The following SF3B6 variants were observed in gnomAD, a reference collection of about 807,000 sequenced individuals.
SF3B6 encodes the protein SF3b 14 kDa subunit.
Under a neutral mutation model 15.9 loss-of-function variants are expected in SF3B6, and 3 were observed. That is an observed-to-expected ratio of 0.19 (90% CI 0.09 to 0.49). The LOEUF (loss-of-function observed/expected upper bound fraction) is 0.49. Among genes scored for constraint, SF3B6 ranks in the 20% least tolerant of loss-of-function variants. The pLI, the probability that SF3B6 is intolerant of heterozygous loss-of-function variation, is 0.97. For synonymous variants in SF3B6, 49 were observed against 51.1 expected, an observed-to-expected ratio of 0.96 and a Z score of 0.18; for missense variants, 71 against 154.3, an observed-to-expected ratio of 0.46 and a Z score of 2.86.
intron 1 of SF3B6, among the ~76,000 whole-genome samples, chr2:24,074,630 G>A (rs879657140): frequency 3.3e-5 from 5 of 152,164 alleles, no homozygotes; most frequent in Admixed American, 3.3e-4. Flanking sequence ...CCTGATTCTT[G>A]TTTCTTGGAG....
chr2:24,074,077 C>T lies in SF3B6; in HGVS notation c.148G>A (p.Val50Met), dbSNP rs1432800496. 6.5e-7 allele frequency: 1 copy of T among 1,528,764 alleles called. No individual in the cohort carries two copies. 94.7% of individuals were successfully genotyped at this position (1,528,764 alleles called of 1,614,324 possible). ...GKYGPIRQIRVGNTPETRGTA... is the reference protein window; with the variant it reads ...GKYGPIRQIRMGNTPETRGTA... ...TTTAAATGACTCAGTAAGACTCACA[C>T]TCTGATTTGACGAATAGGTCCATAT... The change falls in exon 2 of 4, where the codon GTG becomes ATG. Residue 50 changes from valine to methionine, a missense_variant and splice_region_variant. Val to Met is a conservative substitution (Grantham distance 21, BLOSUM62 1). Coordinates refer to ENST00000233468, the MANE Select transcript of SF3B6 (RefSeq NM_016047.4).
intron 1 of SF3B6, 50 bp downstream of exon 1, chr2:24,076,150 A>G (rs1199774719): frequency 3.1e-6 from 5 of 1,612,914 alleles, no homozygotes; most frequent in Admixed American, 3.3e-5. Flanking sequence ...CGCCGCTAAG[A>G]AAGTCAAACC....
intron 2 of SF3B6, 156 bp downstream of exon 2, chr2:24,073,920 A>G (rs1169500737): frequency 3.5e-6 from 2 of 575,240 alleles, no homozygotes; most frequent in African/African-American, 3.9e-5. Context: ...CCCCCCTTCA[A>G]AAAGATCTCA....
At chr2:24,074,276 A>G in intron 1 of SF3B6, 82 bp from the exon 2 acceptor site, 1 of 668,066 alleles carries the variant, frequency 1.5e-6, no homozygotes, top group Non-Finnish European at 2.6e-6. Context: ...AATTAGGGGC[A>G]TTTTAAAAAA....
At chr2:24,073,784 G>T in intron 2 of SF3B6, 1 of 216,988 alleles carries the variant, frequency 4.6e-6, no homozygotes, top group Non-Finnish European at 9.0e-6. Context: ...ATAAATGTTA[G>T]TTCTTTCCCT....
At chr2:24,070,482 G>C (rs556682721) in intron 2 of SF3B6, among the ~76,000 whole-genome samples, 1 of 152,322 alleles carries the variant, frequency 6.6e-6, no homozygotes, top group East Asian at 1.9e-4. Flanking sequence ...CTTAGCCTCT[G>C]TGAGCTTCGG....
In SF3B6 at chr2:24,074,212, T is replaced by G. The variant is rs1664698098; in HGVS notation, c.31-18A>C. 2 of 1,326,424 alleles carry G rather than the reference T, an allele frequency of 1.5e-6. No homozygotes were observed. Among genetic ancestry groups the G allele is most frequent in the Non-Finnish European group, 2.1e-6 (2 of 930,866 alleles). The allele number at this position is 1,326,424 out of a possible 1,614,324, so 82.2% of individuals were successfully genotyped here. On this transcript the variant is annotated intron_variant, in intron 1 of 3. Coordinates refer to ENST00000233468, the MANE Select transcript of SF3B6 (RefSeq NM_016047.4). ...AGTCGAATCTAAAATGAGAAATACG[T>G]ATTGTTATTATAATTAGGGGCATTC... is the stretch of plus-strand genomic sequence containing the variant.
chr2:24,074,888 G>A (rs918964893), intron 1 of SF3B6, among the ~76,000 whole-genome samples: 10 of 152,076 alleles, frequency 6.6e-5, no homozygotes, highest in African/African-American at 2.2e-4. Context: ...CAGCGTTTTG[G>A]GAGGCCAAGG....
In SF3B6 at chr2:24,070,265, G is replaced by T. The variant is rs560043395; in HGVS notation, c.150-1806C>A. The stretch of plus-strand genomic sequence containing the variant: ...ATTATTTTCTTATTTTTTTGAGACA[G>T]AGTCAACCAATTCTTGTGCAGGTGT... On this transcript the variant is annotated intron_variant, in intron 2 of 3. Transcript: ENST00000233468. 3.1e-4 allele frequency among the ~76,000 whole-genome samples: 47 copies of T among 152,254 alleles called. 1 individual carries two copies. In the South Asian group the frequency reaches 3.3e-3, roughly 11 times the overall value.
intron 1 of SF3B6, among the ~76,000 whole-genome samples, chr2:24,074,857 G>A (rs1329652178): frequency 2.6e-5 from 4 of 152,058 alleles, no homozygotes; most frequent in South Asian, 2.1e-4. Context: ...GGCCGGGTGC[G>A]GTGGCTCATG....
rs1284309631 is a variant in SF3B6 at position 24,076,146 on chromosome 2, T to A, written c.30+54A>T. ...GCAAGAATGCTCCGATCCACGCCGC[T>A]AAGAAAGTCAAACCCGAAGTTCTCC... On this transcript the variant is annotated intron_variant, in intron 1 of 3. Coordinates refer to ENST00000233468, the MANE Select transcript of SF3B6 (RefSeq NM_016047.4). 7.4e-6 allele frequency: 12 copies of A among 1,611,718 alleles called. No homozygotes were observed. In the African/African-American group the frequency reaches 1.5e-4, roughly 20 times the overall value.
chr2:24,075,302 C>A (rs943156989), intron 1 of SF3B6, among the ~76,000 whole-genome samples: 1 of 151,432 alleles, frequency 6.6e-6, no homozygotes, highest in Non-Finnish European at 1.5e-5. Context: ...CAAAAGTCTC[C>A]ATTTACATAT....
At chr2:24,074,275 C>A in intron 1 of SF3B6, 81 bp from the exon 2 acceptor site, 1 of 675,514 alleles carries the variant, frequency 1.5e-6, no homozygotes, top group Non-Finnish European at 2.5e-6. Context: ...TAATTAGGGG[C>A]ATTTTAAAAA....
chr2:24,070,786 G>A (rs928123424), intron 2 of SF3B6, among the ~76,000 whole-genome samples: 4 of 152,020 alleles, frequency 2.6e-5, no homozygotes, highest in Admixed American at 2.0e-4. Context: ...CACAGTAATG[G>A]AACAGAAAAA....
At chr2:24,068,064 C>T (rs1573705983) in intron 3 of SF3B6, among the ~76,000 whole-genome samples, 1 of 152,284 alleles carries the variant, frequency 6.6e-6, no homozygotes, top group African/African-American at 2.4e-5. Flanking sequence ...CTGGGGTTCA[C>T]GCCATTCTCC....
chr2:24,071,461 C>T (rs988407251), intron 2 of SF3B6, among the ~76,000 whole-genome samples: 2 of 150,780 alleles, frequency 1.3e-5, no homozygotes, highest in East Asian at 4.0e-4. Context: ...AAAAATTAGC[C>T]AGGCATGCTG....
rs1664697079 is a variant in SF3B6 at position 24,074,118 on chromosome 2, T to C, written c.107A>G (p.Tyr36Cys). Residue 36 changes from tyrosine (Y) to cysteine (C), a missense_variant, in exon 2 of 4, where the codon TAT (tyrosine) becomes TGT (cysteine). Around this residue, in one of 3 missense-constraint regions of SF3B6, gnomAD observed 52 missense variants for 113.2 expected, o/e 0.46. Transcript: ENST00000233468. ...LPYKITAEEM[Y>C]DIFGKYGPIR... ...AGGTCCATATTTCCCAAATATATCA[T>C]ACATTTCTTCAGCTGTGATTTTGTA... is the stretch of plus-strand genomic sequence containing the variant. 6.2e-7 allele frequency: 1 copy of C among 1,608,676 alleles called. No homozygotes were observed. The highest frequency in any genetic ancestry group is 8.5e-7 in the Non-Finnish European group (1 of 1,175,422).
chr2:24,071,270 C>T (rs1247709), intron 2 of SF3B6, among the ~76,000 whole-genome samples: 360 of 152,304 alleles, frequency 2.4e-3, no homozygotes, highest in African/African-American at 8.3e-3. Context: ...GCATTACAGG[C>T]GTGAGCCACT....
intron 1 of SF3B6, among the ~76,000 whole-genome samples, chr2:24,075,689 T>A (rs961433511): frequency 3.9e-5 from 6 of 151,974 alleles, no homozygotes; most frequent in African/African-American, 1.2e-4. Flanking sequence ...AAGACTAGTG[T>A]CTGGCACATA....
Sources: gnomAD v4.1 joint callset for allele counts (sites outside exome capture counted in the v4.1 genomes callset) on GRCh38, gnomAD v4.1.1 for gene constraint, gnomAD v4.1.1 regional missense constraint, MANE v1.5 for transcripts, NCBI Gene and HGNC (gene_info 2026-07-23, HGNC 2026-07-21) for gene names.